Variants in PDE7B observed in about 807,000 individuals in gnomAD.
The protein encoded by PDE7B is 3',5'-cyclic-AMP phosphodiesterase 7B.
A neutral mutation model predicts 56.2 loss-of-function variants in PDE7B; 29 were observed. The observed-to-expected ratio is 0.52, with a 90% CI of 0.38 to 0.70. The LOEUF (loss-of-function observed/expected upper bound fraction) is 0.70. Among genes scored for constraint, PDE7B ranks in the 30% least tolerant of loss-of-function variants. The probability of loss-of-function intolerance (pLI) is 0.00; values close to 1 mark genes in which losing one functional copy is unlikely to be tolerated. For missense variants in PDE7B, 490 were observed against 565.0 expected, an observed-to-expected ratio of 0.87 and a Z score of 1.35; for synonymous variants, 197 against 196.9, an observed-to-expected ratio of 1.00 and a Z score of 0.00.
intron 1 of PDE7B, among the ~76,000 whole-genome samples, chr6:135,871,529 G>A (rs1775379853): frequency 1.3e-5 from 2 of 152,222 alleles, no homozygotes; most frequent in Admixed American, 1.3e-4. Flanking sequence ...GGTGGGAGGA[G>A]CTAGGGAAGG....
intron 3 of PDE7B, among the ~76,000 whole-genome samples, chr6:136,143,631 G>T (rs925204846): frequency 6.6e-6 from 1 of 151,992 alleles, no homozygotes; most frequent in Non-Finnish European, 1.5e-5. Context: ...AGAAAAATAG[G>T]TAAGGAATCA....
At chr6:135,868,375 C>T (rs1180502890) in intron 1 of PDE7B, among the ~76,000 whole-genome samples, 2 of 152,184 alleles carry the variant, frequency 1.3e-5, no homozygotes, top group African/African-American at 4.8e-5. Context: ...ATCACCCCCA[C>T]TCCAGTGCCT....
chr6:136,051,255 A>T (rs949335983), intron 2 of PDE7B, among the ~76,000 whole-genome samples: 2 of 152,216 alleles, frequency 1.3e-5, no homozygotes, highest in African/African-American at 4.8e-5. Flanking sequence ...CTCTCGAAGT[A>T]TATTTGGCCT....
chr6:135,852,953 T>G lies in PDE7B; in HGVS notation c.21+934T>G, dbSNP rs919056553. On this transcript the variant is annotated intron_variant, in intron 1 of 12. Transcript: ENST00000308191. Reference sequence around the variant, plus strand: ...AACACACTAAATGCTGCAGGAAGATTGGCAATTCAATACAGGGCTAATGTT... The same window carrying G: ...AACACACTAAATGCTGCAGGAAGATGGGCAATTCAATACAGGGCTAATGTT... 2.6e-5 allele frequency among the ~76,000 whole-genome samples: 4 copies of G among 152,324 alleles called. 1 individual carries two copies. Among genetic ancestry groups the G allele is most frequent in the African/African-American group, 2.4e-5 (1 of 41,572 alleles).
chr6:135,934,739 A>ATATAT (rs1269284339), intron 1 of PDE7B, among the ~76,000 whole-genome samples: 2 of 105,676 alleles, frequency 1.9e-5, no homozygotes, highest in African/African-American at 3.6e-5. Context: ...CAAAAAAAAA[A>ATATAT]ATATATATAT....
chr6:135,877,396 A>T, intron 1 of PDE7B, among the ~76,000 whole-genome samples: 2 of 133,842 alleles, frequency 1.5e-5, no homozygotes, highest in Non-Finnish European at 1.5e-5. Flanking sequence ...ATCCTGTACC[A>T]TTCAGATGTC....
intron 2 of PDE7B, among the ~76,000 whole-genome samples, chr6:136,028,208 C>T (rs1776185734): frequency 6.6e-6 from 1 of 152,082 alleles, no homozygotes; most frequent in South Asian, 2.1e-4. Context: ...CTCTGCAATC[C>T]AAAATAAAGA....
At chr6:136,109,191 G>C (rs540383729) in intron 3 of PDE7B, among the ~76,000 whole-genome samples, 1 of 152,268 alleles carries the variant, frequency 6.6e-6, no homozygotes, top group African/African-American at 2.4e-5. Flanking sequence ...CAAAAAATTA[G>C]CTGGGTATGG....
intron 2 of PDE7B, chr6:136,098,139 G>GA (rs953622230): frequency 7.3e-6 from 1 of 137,874 alleles, no homozygotes; most frequent in Non-Finnish European, 1.5e-5. Flanking sequence ...TTCCTGGGGG[G>GA]GGGGGGGGAA....
intron 3 of PDE7B, chr6:136,111,212 C>T: frequency 6.6e-6 from 1 of 152,076 alleles, no homozygotes. Flanking sequence ...CTATAAGATC[C>T]TAAAGACAGT....
rs112757356 is a variant in PDE7B, at chr6:135,999,392, CT to C, written c.82+51876del. Among the ~76,000 whole-genome samples, 451 of 152,044 alleles carry C rather than the reference CT, an allele frequency of 3.0e-3. 2 individuals are homozygous for C. The highest frequency in any genetic ancestry group is 0.01 in the African/African-American group (422 of 41,466). The stretch of plus-strand genomic sequence containing the variant: ...TACTAAACCTAATACCCAATAGATA[CT>C]TTTTTTTCTTCTCTCCCTCCTCTCA... On this transcript the variant is annotated intron_variant, in intron 2 of 12. Coordinates refer to ENST00000308191, the MANE Select transcript of PDE7B (RefSeq NM_018945.4).
chr6:135,985,573 A>G (rs1009655487), intron 2 of PDE7B, among the ~76,000 whole-genome samples: 1 of 152,188 alleles, frequency 6.6e-6, no homozygotes. Context: ...GCTGCATCCA[A>G]ATTCTATACT....
intron 1 of PDE7B, among the ~76,000 whole-genome samples, chr6:135,905,317 A>G (rs985253181): frequency 2.0e-5 from 3 of 149,696 alleles, no homozygotes; most frequent in African/African-American, 7.4e-5. Flanking sequence ...TCAATGTGTT[A>G]TGATGCATAC....
intron 2 of PDE7B, among the ~76,000 whole-genome samples, chr6:135,968,244 C>T (rs906267703): frequency 1.6e-4 from 25 of 152,136 alleles, no homozygotes; most frequent in African/African-American, 4.8e-4. Context: ...GACATAGGCA[C>T]GGGCAAAGAT....
At position 136,076,712 on chromosome 6, in the gene PDE7B, G is replaced by A. The variant is rs542575248; in HGVS notation, c.83-32019G>A. 2.0e-5 allele frequency among the ~76,000 whole-genome samples: 3 copies of A among 152,276 alleles called. No homozygotes were observed. The East Asian group carries it at 5.8e-4, about 29-fold the overall frequency. ...AGACTAAGATGTATTCTCTGAGGAG[G>A]CTGAGTCAGGGAGCTTCTGAACTTA... On this transcript the variant is annotated intron_variant, in intron 2 of 12. Coordinates refer to ENST00000308191, the MANE Select transcript of PDE7B (RefSeq NM_018945.4).
intron 3 of PDE7B, among the ~76,000 whole-genome samples, chr6:136,110,725 T>C (rs1179311342): frequency 2.0e-5 from 3 of 152,074 alleles, no homozygotes; most frequent in Non-Finnish European, 2.9e-5. Flanking sequence ...TTTTTTTTTT[T>C]TTTTTTTTAC....
chr6:136,025,935 C>T (rs1044195908), intron 2 of PDE7B, among the ~76,000 whole-genome samples: 2 of 152,122 alleles, frequency 1.3e-5, no homozygotes, highest in Admixed American at 1.3e-4. Flanking sequence ...ACAGATGCAG[C>T]TGGCACTGTG....
At chr6:136,038,141 A>AC (rs1354624916) in intron 2 of PDE7B, 6 of 1,286,718 alleles carry the variant, frequency 4.7e-6, no homozygotes, top group Admixed American at 2.4e-5. Flanking sequence ...AGAGGATCTT[A>AC]CGGGGGTTCG....
At chr6:136,155,067 C>T (rs1024571897) in intron 7 of PDE7B, among the ~76,000 whole-genome samples, 28 of 152,210 alleles carry the variant, frequency 1.8e-4, no homozygotes, top group Admixed American at 1.2e-3. Flanking sequence ...ATTGGATTCC[C>T]GTGTCTCTGC....
Sources: allele counts gnomAD v4.1 joint callset (sites outside exome capture counted in the v4.1 genomes callset), GRCh38; gene constraint gnomAD v4.1.1; transcripts MANE v1.5; gene names NCBI Gene and HGNC (gene_info 2026-07-23, HGNC 2026-07-21).